Variants in KCNB2 observed in about 807,000 individuals in gnomAD.
The protein encoded by KCNB2 is delayed rectifier potassium channel protein.
Under a neutral mutation model 61.5 loss-of-function variants are expected in KCNB2, and 15 were observed. The ratio of observed to expected loss-of-function variants is 0.24; its 90% CI spans 0.16 to 0.38. The LOEUF (loss-of-function observed/expected upper bound fraction) is 0.38, where lower values mean the gene tolerates loss of function less well. KCNB2 is among the 10% of genes least tolerant of loss of function. The pLI, the probability that KCNB2 is intolerant of heterozygous loss-of-function variation, is 1.00. For synonymous variants in KCNB2, 457 were observed against 446.0 expected, an observed-to-expected ratio of 1.02 and a Z score of -0.31; for missense variants, 828 against 1,125.2, an observed-to-expected ratio of 0.74 and a Z score of 3.78.
chr8:72,882,285 T>C (rs1339223677), intron 2 of KCNB2, among the ~76,000 whole-genome samples: 1 of 152,136 alleles, frequency 6.6e-6, no homozygotes, highest in Non-Finnish European at 1.5e-5. Flanking sequence ...TGCAGTAAGC[T>C]GTTATAAAGG....
chr8:72,705,331 C>G (rs1300351705), intron 2 of KCNB2, among the ~76,000 whole-genome samples: 3 of 152,222 alleles, frequency 2.0e-5, no homozygotes, highest in Admixed American at 1.3e-4. Flanking sequence ...ACCTAGTTAT[C>G]TTGTCCTGAT....
At chr8:72,820,194 A>G (rs1481646342) in intron 2 of KCNB2, among the ~76,000 whole-genome samples, 2 of 152,112 alleles carry the variant, frequency 1.3e-5, no homozygotes, top group Admixed American at 1.3e-4. Flanking sequence ...GCACAAAATC[A>G]TATCCTTCTT....
intron 2 of KCNB2, among the ~76,000 whole-genome samples, chr8:72,916,523 A>C (rs2129007871): frequency 6.6e-6 from 1 of 152,342 alleles, no homozygotes; most frequent in East Asian, 1.9e-4. Context: ...CTGAAGCCCC[A>C]GAAGGAGTGC....
intron 2 of KCNB2, among the ~76,000 whole-genome samples, chr8:72,774,871 G>A (rs561813883): frequency 7.9e-5 from 12 of 151,890 alleles, no homozygotes; most frequent in Admixed American, 7.2e-4. Flanking sequence ...TTCTTTATCC[G>A]TGTAGCTCAG....
intron 2 of KCNB2, among the ~76,000 whole-genome samples, chr8:72,886,680 A>T (rs975609305): frequency 1.3e-5 from 2 of 152,236 alleles, no homozygotes; most frequent in African/African-American, 2.4e-5. Context: ...TGGCCTCGAC[A>T]CTACGTAATT....
chr8:72,568,933 T>TG (rs1372355898), intron 2 of KCNB2, among the ~76,000 whole-genome samples: 1 of 152,182 alleles, frequency 6.6e-6, no homozygotes, highest in Non-Finnish European at 1.5e-5. Context: ...TTTTTTTTTT[T>TG]TACAATTGAG....
rs886954806 is a variant in KCNB2, at chr8:72,633,668, C to T, written c.579+65355C>T. Reference sequence around the variant, plus strand: ...TTTGGGAGCCCCCAGAAAGACTAGCCTTTGGTAGTCTCTTTCTATTGCAGA... The same window carrying T: ...TTTGGGAGCCCCCAGAAAGACTAGCTTTTGGTAGTCTCTTTCTATTGCAGA... On this transcript the variant is annotated intron_variant, in intron 2 of 2. Transcript: ENST00000523207. Among the ~76,000 whole-genome samples, 4 of 152,114 alleles carry T rather than the reference C, an allele frequency of 2.6e-5. No individual in the cohort carries two copies. The South Asian group carries it at 8.3e-4, about 32-fold the overall frequency.
intron 2 of KCNB2, among the ~76,000 whole-genome samples, chr8:72,702,051 A>G (rs1303942941): frequency 6.6e-6 from 1 of 152,206 alleles, no homozygotes; most frequent in Non-Finnish European, 1.5e-5. Context: ...ATCTTAACTT[A>G]GGAAAAAAAA....
At chr8:72,638,608 C>T (rs996762200) in intron 2 of KCNB2, among the ~76,000 whole-genome samples, 3 of 152,130 alleles carry the variant, frequency 2.0e-5, no homozygotes, top group African/African-American at 4.8e-5. Flanking sequence ...GAACTACCAT[C>T]TAATTTCTGC....
intron 2 of KCNB2, among the ~76,000 whole-genome samples, chr8:72,740,413 G>A (rs2253667): frequency 0.18 from 27,927 of 152,066 alleles, 3,382 homozygotes; most frequent in African/African-American, 0.34. Flanking sequence ...AAGGCTTCAA[G>A]TTCTTCAATA....
At chr8:72,928,933 G>A (rs1372323795) in intron 2 of KCNB2, among the ~76,000 whole-genome samples, 1 of 142,866 alleles carries the variant, frequency 7.0e-6, no homozygotes, top group East Asian at 1.9e-4. Flanking sequence ...ATTTAACTGG[G>A]AGATAAACAG....
In KCNB2 at chr8:72,560,329, A is replaced by G. The variant is rs191861673; in HGVS notation, c.-93-7313A>G. 6.6e-5 allele frequency among the ~76,000 whole-genome samples: 10 copies of G among 152,340 alleles called. No individual in the cohort carries two copies. In the East Asian group the frequency reaches 9.6e-4, roughly 15 times the overall value. On this transcript the variant is annotated intron_variant, in intron 1 of 2. Coordinates refer to ENST00000523207, the MANE Select transcript of KCNB2 (RefSeq NM_004770.3). ...ATTTGGTTTCATAGAGGCTAAGTCT[A>G]TCTTATGCCAAACATCCAAATGGAA...
intron 2 of KCNB2, among the ~76,000 whole-genome samples, chr8:72,672,649 T>C (rs1806584317): frequency 6.6e-6 from 1 of 152,024 alleles, no homozygotes; most frequent in South Asian, 2.1e-4. Flanking sequence ...TTTTTTAATA[T>C]AACAGCAACT....
intron 2 of KCNB2, among the ~76,000 whole-genome samples, chr8:72,778,227 CAA>C (rs1195336605): frequency 6.6e-6 from 1 of 152,088 alleles, no homozygotes; most frequent in Admixed American, 6.5e-5. Flanking sequence ...ATTATGGAAA[CAA>C]AGAGTGAGTT....
At chr8:72,619,702 T>C (rs1377719220) in intron 2 of KCNB2, among the ~76,000 whole-genome samples, 2 of 152,174 alleles carry the variant, frequency 1.3e-5, no homozygotes, top group African/African-American at 2.4e-5. Context: ...TCAAATTTTA[T>C]TTTATCTAAA....
chr8:72,632,236 A>G (rs1289306671), intron 2 of KCNB2, among the ~76,000 whole-genome samples: 4 of 152,108 alleles, frequency 2.6e-5, no homozygotes, highest in Non-Finnish European at 5.9e-5. Context: ...ACAGAGTGAG[A>G]CCCTTTCTCA....
chr8:72,628,075 T>C (rs1347579255), intron 2 of KCNB2, among the ~76,000 whole-genome samples: 1 of 152,130 alleles, frequency 6.6e-6, no homozygotes. Flanking sequence ...TGCCTCAGCC[T>C]CCTGAGTAGC....
intron 2 of KCNB2, among the ~76,000 whole-genome samples, chr8:72,587,705 G>A (rs868811869): frequency 1.3e-5 from 2 of 152,188 alleles, no homozygotes; most frequent in South Asian, 4.2e-4. Flanking sequence ...CTGCACTCCA[G>A]CCTGGGCCAA....
At chr8:72,547,555 G>A (rs1394190295) in intron 1 of KCNB2, among the ~76,000 whole-genome samples, 2 of 152,148 alleles carry the variant, frequency 1.3e-5, no homozygotes, top group African/African-American at 4.8e-5. Context: ...ATGACTTTGA[G>A]GGATTTAAAA....
Sources: gnomAD v4.1 joint callset for allele counts (sites outside exome capture counted in the v4.1 genomes callset) on GRCh38, gnomAD v4.1.1 for gene constraint, MANE v1.5 for transcripts, NCBI Gene and HGNC (gene_info 2026-07-23, HGNC 2026-07-21) for gene names.